The following GTF2IRD1 variants were observed in gnomAD, a reference collection of about 807,000 sequenced individuals.
The protein encoded by GTF2IRD1 is general transcription factor II-I repeat domain-containing protein 1.
GTF2IRD1 carries 26 observed loss-of-function variants against 113.2 expected under a neutral mutation model. That is an observed-to-expected ratio of 0.23 (90% confidence interval 0.17 to 0.32). The LOEUF (loss-of-function observed/expected upper bound fraction) is 0.32, where lower values mean the gene tolerates loss of function less well. Ranked by LOEUF, GTF2IRD1 falls within the 10% of genes least tolerant of loss-of-function variation. The pLI is 1.00. For synonymous variants in GTF2IRD1, 484 were observed against 529.1 expected (o/e 0.91, Z 1.17); for missense variants, 864 against 1,280.8 (o/e 0.67, Z 4.97).
chr7:74,537,327 C>A (rs1798355628), intron 11 of GTF2IRD1, among the ~76,000 whole-genome samples: 1 of 150,564 alleles, frequency 6.6e-6, no homozygotes, highest in Admixed American at 6.6e-5. Flanking sequence ...GCAGGAGAAT[C>A]GCTTGAACCC....
chr7:74,499,072 G>C (rs931981899), intron 1 of GTF2IRD1, among the ~76,000 whole-genome samples: 18 of 152,346 alleles, frequency 1.2e-4, no homozygotes, highest in African/African-American at 4.3e-4. Context: ...CTGTGAGCTG[G>C]AGGAGGGCAG....
chr7:74,577,172 T>G (rs1554364801), intron 22 of GTF2IRD1, among the ~76,000 whole-genome samples: 4 of 152,076 alleles, frequency 2.6e-5, no homozygotes, highest in African/African-American at 7.2e-5. Context: ...TGAGTAGCTG[T>G]GACTACAAGC....
chr7:74,477,487 A>C (rs1554333773), intron 1 of GTF2IRD1, among the ~76,000 whole-genome samples: 1 of 146,344 alleles, frequency 6.8e-6, no homozygotes, highest in Non-Finnish European at 1.5e-5. Context: ...GCAGGTGGGG[A>C]GGCCAGATGC....
At chr7:74,476,676 GC>G (rs1554333605) in intron 1 of GTF2IRD1, among the ~76,000 whole-genome samples, 4 of 152,050 alleles carry the variant, frequency 2.6e-5, no homozygotes. Flanking sequence ...CTTTGCCCAA[GC>G]TGACCTTGGC....
intron 22 of GTF2IRD1, among the ~76,000 whole-genome samples, chr7:74,561,011 T>G (rs1181709865): frequency 1.3e-5 from 2 of 152,066 alleles, no homozygotes; most frequent in Non-Finnish European, 2.9e-5. Flanking sequence ...GGGCTGTCCC[T>G]GCGGGGCGAC....
intron 1 of GTF2IRD1, chr7:74,506,570 C>T (rs1351066089): frequency 6.6e-6 from 1 of 152,250 alleles, no homozygotes; most frequent in Non-Finnish European, 1.5e-5. Context: ...AGGGGCCACA[C>T]AGAGAGCACC....
intron 1 of GTF2IRD1, among the ~76,000 whole-genome samples, chr7:74,503,446 C>T (rs1473288160): frequency 6.6e-6 from 1 of 152,150 alleles, no homozygotes; most frequent in Non-Finnish European, 1.5e-5. Context: ...TCATGTCTTT[C>T]TCATTATTAT....
At chr7:74,508,690 TA>T (rs35760074) in intron 2 of GTF2IRD1, among the ~76,000 whole-genome samples, 611 of 132,012 alleles carry the variant, frequency 4.6e-3, no homozygotes, top group Admixed American at 5.0e-3. Context: ...GACTCCGTCT[TA>T]AAAAAAAAAA....
At chr7:74,564,649 G>A (rs1213196935) in intron 22 of GTF2IRD1, among the ~76,000 whole-genome samples, 4 of 152,142 alleles carry the variant, frequency 2.6e-5, no homozygotes, top group East Asian at 1.9e-4. Flanking sequence ...CCAGCTACTC[G>A]GGAGGCTGAG....
intron 1 of GTF2IRD1, among the ~76,000 whole-genome samples, chr7:74,481,495 C>A (rs1794739346): frequency 6.6e-6 from 1 of 152,164 alleles, no homozygotes; most frequent in South Asian, 2.1e-4. Flanking sequence ...TCTGTTGTTT[C>A]TTTCCAAATT....
intron 16 of GTF2IRD1, 43 bp downstream of exon 16, chr7:74,545,852 C>A (rs113287658): frequency 7.0e-7 from 1 of 1,418,704 alleles, no homozygotes; most frequent in Non-Finnish European, 1.0e-6. Context: ...TCCCGGCCCC[C>A]CTCCAGCCGC....
At chr7:74,454,363 C>CG (rs113589292) in intron 1 of GTF2IRD1, among the ~76,000 whole-genome samples, 187 bp downstream of exon 1, 2 of 150,386 alleles carry the variant, frequency 1.3e-5, no homozygotes, top group East Asian at 4.1e-4. Context: ...AATTCGGGCC[C>CG]GGGGGGAGGG....
rs1214307841 is a variant in GTF2IRD1, at chr7:74,454,069, T to G, written c.-114T>G. The G allele has an allele frequency of 2.0e-5, 3 of 148,616 alleles. No individual in the cohort carries two copies. The highest frequency in any genetic ancestry group is 4.5e-5 in the Non-Finnish European group (3 of 66,954). 9.2% of individuals were successfully genotyped at this position (148,616 alleles called of 1,614,324 possible). The stretch of plus-strand genomic sequence containing the variant: ...CGTCCTCGCCTCCCTCTGCCTCTCC[T>G]TCCCCCATTCTCCCGGATTAATTAA... On this transcript the variant is annotated 5_prime_UTR_variant, in exon 1 of 27. Transcript: ENST00000424337.
chr7:74,521,441 G>A, intron 7 of GTF2IRD1, 144 bp downstream of exon 7: 1 of 659,548 alleles, frequency 1.5e-6, no homozygotes. Flanking sequence ...GTAAACTGGG[G>A]TGTAATAGTT....
In GTF2IRD1 at chr7:74,524,017, G is replaced by A. The variant is rs1386908221; in HGVS notation, c.1007-54G>A. 4 of 1,260,880 alleles carry A rather than the reference G, an allele frequency of 3.2e-6. No individual in the cohort carries two copies. In the African/African-American group the frequency reaches 4.4e-5, roughly 14 times the overall value. The allele number at this position is 1,260,880 out of a possible 1,614,324, so 78.1% of individuals were successfully genotyped here. On this transcript the variant is annotated intron_variant, in intron 7 of 26. Coordinates refer to ENST00000424337, the MANE Select transcript of GTF2IRD1 (RefSeq NM_005685.4). ...GCCCGGTGGTCATGGCCGGTGGAGG[G>A]CGTGTGACCGTCCCGTGGGGCCCTG...
intron 8 of GTF2IRD1, 108 bp downstream of exon 8, chr7:74,524,262 G>A: frequency 1.7e-6 from 1 of 592,304 alleles, no homozygotes; most frequent in Non-Finnish European, 2.9e-6. Context: ...CCATATGCTG[G>A]CTCCCGCGCG....
At chr7:74,540,698 C>G (rs587613192) in intron 14 of GTF2IRD1, among the ~76,000 whole-genome samples, 14 of 151,862 alleles carry the variant, frequency 9.2e-5, no homozygotes, top group African/African-American at 2.9e-4. Flanking sequence ...CCTGTAATCC[C>G]AGCACTTTGG....
At chr7:74,560,484 A>G (rs1799881352) in intron 22 of GTF2IRD1, among the ~76,000 whole-genome samples, 1 of 147,244 alleles carries the variant, frequency 6.8e-6, no homozygotes, top group Non-Finnish European at 1.5e-5. Flanking sequence ...AATAAAAAAT[A>G]TATATAATAA....
At chr7:74,602,125 C>A in intron 26 of GTF2IRD1, 1 of 338,886 alleles carries the variant, frequency 3.0e-6, no homozygotes, top group Non-Finnish European at 5.3e-6. Context: ...GCCTATAATC[C>A]CAGCTACTCG....
Sources: gnomAD v4.1 joint callset for allele counts (sites outside exome capture counted in the v4.1 genomes callset) on GRCh38, gnomAD v4.1.1 for gene constraint, MANE v1.5 for transcripts, NCBI Gene and HGNC (gene_info 2026-07-23, HGNC 2026-07-21) for gene names.